The following NBPF3 variants were observed in gnomAD, a reference collection of about 807,000 sequenced individuals.
The protein encoded by NBPF3 is NBPF member 3.
Under a neutral mutation model 78.1 loss-of-function variants are expected in NBPF3, and 57 were observed. The ratio of observed to expected loss-of-function variants is 0.73; its 90% CI spans 0.59 to 0.91. The LOEUF is 0.91. Ranked by LOEUF, NBPF3 falls within the 40% of genes least tolerant of loss-of-function variation. The pLI is 0.00. For missense variants in NBPF3, 510 were observed against 715.3 expected, an observed-to-expected ratio of 0.71 and a Z score of 3.27; for synonymous variants, 182 against 271.7, an observed-to-expected ratio of 0.67 and a Z score of 3.25.
rs1445056534 is a variant in NBPF3 at position 21,481,740 on chromosome 1, A to C, written c.1577A>C (p.Glu526Ala). Residue 526 changes from glutamate (E) to alanine (A), a missense_variant, in exon 13 of 15, where the codon GAA becomes GCA. Glu to Ala is a moderately radical substitution (Grantham distance 107, BLOSUM62 -1). Transcript: ENST00000318249. ...YGSCFYSLEEEHVGFSLDVDE... is the reference protein window; with the variant it reads ...YGSCFYSLEEAHVGFSLDVDE... ...AGTTGCTTTTACTCATTGGAGGAAG[A>C]ACACGTTGGCTTTTCTCTTGACGTG... is the stretch of plus-strand genomic sequence containing the variant. 6.7e-7 allele frequency: 1 copy of C among 1,502,312 alleles called. No homozygotes were observed. The highest frequency in any genetic ancestry group is 2.4e-5 in the East Asian group (1 of 42,294). 93.1% of individuals were successfully genotyped at this position (1,502,312 alleles called of 1,614,324 possible). A position where few individuals can be genotyped will look rare whatever the true frequency, so the allele number is the denominator to read the frequency against.
At chr1:21,440,127 AG>A (rs1640529862), upstream of NBPF3, 1 of 152,276 alleles carries the variant, frequency 6.6e-6, no homozygotes, top group Admixed American at 6.5e-5. Flanking sequence ...GCGCAGGCGC[AG>A]GCGCAGGCAC....
chr1:21,441,564 G>T (rs111818430), intron 1 of NBPF3, among the ~76,000 whole-genome samples: 4 of 152,154 alleles, frequency 2.6e-5, no homozygotes, highest in Non-Finnish European at 4.4e-5. Flanking sequence ...AAAGTTAGCT[G>T]TGTGTGGTGG....
intron 2 of NBPF3, among the ~76,000 whole-genome samples, chr1:21,455,886 A>AATGT (rs2147934094): frequency 6.6e-6 from 1 of 152,256 alleles, no homozygotes; most frequent in African/African-American, 2.4e-5. Flanking sequence ...AGGGTTGGGG[A>AATGT]ATGTATGATG....
At chr1:21,443,223 G>A (rs966091986) in intron 1 of NBPF3, among the ~76,000 whole-genome samples, 13 of 152,200 alleles carry the variant, frequency 8.5e-5, no homozygotes, top group African/African-American at 2.7e-4. Context: ...AGCAGATGGA[G>A]TCATAGGTGA....
At chr1:21,472,227 T>C (rs1642638340) in intron 5 of NBPF3, among the ~76,000 whole-genome samples, 1 of 152,224 alleles carries the variant, frequency 6.6e-6, no homozygotes, top group South Asian at 2.1e-4. Context: ...AAATTGTCTC[T>C]TGCAAGAGTC....
chr1:21,455,441 T>C (rs1337435354), intron 2 of NBPF3, among the ~76,000 whole-genome samples: 1 of 152,230 alleles, frequency 6.6e-6, no homozygotes, highest in African/African-American at 2.4e-5. Context: ...ATAACAGATT[T>C]CTGCTTCTGT....
chr1:21,466,697 A>G (rs1212370109), intron 2 of NBPF3, among the ~76,000 whole-genome samples: 2 of 152,260 alleles, frequency 1.3e-5, no homozygotes, highest in African/African-American at 4.8e-5. Context: ...TACTCTTCCT[A>G]TGACTCATTC....
chr1:21,472,458 G>A (rs1391326409), intron 5 of NBPF3, among the ~76,000 whole-genome samples: 1 of 152,206 alleles, frequency 6.6e-6, no homozygotes, highest in African/African-American at 2.4e-5. Flanking sequence ...TGTAGGGCAA[G>A]TTTGTCCTCT....
chr1:21,436,872 C>T (rs1237119987), upstream of NBPF3: 13 of 556,534 alleles, frequency 2.3e-5, no homozygotes, highest in Admixed American at 4.8e-5. The surrounding 1 kb of genome is among the most constrained non-coding windows in gnomAD (Gnocchi z 4.3). Context: ...CTCGCGCCCT[C>T]CGGGTGGGGG....
intron 2 of NBPF3, 30 bp from the exon 3 acceptor site, chr1:21,468,658 C>A (rs778642535): frequency 6.2e-6 from 10 of 1,612,290 alleles, no homozygotes; most frequent in Non-Finnish European, 8.5e-6. Context: ...AGTTTTTAAC[C>A]CATCGTGTGT....
chr1:21,467,341 G>A (rs1319714488), intron 2 of NBPF3: 3 of 985,366 alleles, frequency 3.0e-6, no homozygotes, highest in Non-Finnish European at 1.2e-6. Flanking sequence ...AGGAGACCTG[G>A]GCTACAGAAC....
chr1:21,474,726 A>G (rs1306835879), intron 7 of NBPF3, among the ~76,000 whole-genome samples, 174 bp from the exon 8 acceptor site: 2 of 152,218 alleles, frequency 1.3e-5, no homozygotes, highest in Admixed American at 6.5e-5. Context: ...TCTGGAAAGC[A>G]GGGTCATCTA....
chr1:21,457,600 G>A (rs4515756), intron 2 of NBPF3, among the ~76,000 whole-genome samples: 99,797 of 151,912 alleles, frequency 0.66, 34,392 homozygotes, highest in South Asian at 0.87. Flanking sequence ...TATCCAAGAG[G>A]ATGGCTAAAA....
chr1:21,481,320 T>G (rs1254020189), intron 12 of NBPF3, among the ~76,000 whole-genome samples: 1 of 150,888 alleles, frequency 6.6e-6, no homozygotes, highest in African/African-American at 2.4e-5. Context: ...TAACTCAGAG[T>G]GTCCTGTACT....
At chr1:21,448,344 G>A (rs957611498) in intron 2 of NBPF3, among the ~76,000 whole-genome samples, 1 of 142,744 alleles carries the variant, frequency 7.0e-6, no homozygotes, top group Admixed American at 7.0e-5. Context: ...TTTTTTTTTT[G>A]CATGTGTTTG....
intron 2 of NBPF3, chr1:21,468,369 G>A (rs945817860): frequency 4.0e-6 from 5 of 1,263,054 alleles, no homozygotes; most frequent in Admixed American, 3.7e-5. Flanking sequence ...AGCAAAGCCT[G>A]GGCAATTGGA....
chr1:21,437,840 T>C (rs1640455701), upstream of NBPF3, among the ~76,000 whole-genome samples: 1 of 150,450 alleles, frequency 6.6e-6, no homozygotes, highest in East Asian at 2.0e-4. Flanking sequence ...TTTTTTTTCT[T>C]TTGAGACGGA....
Position 21,470,977 on chromosome 1 carries a change from C to T in NBPF3, c.446+243C>T, listed in dbSNP as rs565694883. On this transcript the variant is annotated intron_variant, in intron 4 of 14. Transcript: ENST00000318249. ...AACAAGTAATTGTTGAGGTGAAATG[C>T]GCATAACACAAAATTAACCGAAGGA... 2.0e-5 allele frequency among the ~76,000 whole-genome samples: 3 copies of T among 152,202 alleles called. No homozygotes were observed. In the East Asian group the frequency reaches 5.8e-4, roughly 29 times the overall value.
At chr1:21,441,004 A>T (rs1274679047) in intron 1 of NBPF3, 2 of 152,272 alleles carry the variant, frequency 1.3e-5, no homozygotes, top group East Asian at 1.9e-4. Context: ...GGCTTCTTAG[A>T]TCATCATCTC....
Sources: allele counts gnomAD v4.1 joint callset (sites outside exome capture counted in the v4.1 genomes callset), GRCh38; gene constraint gnomAD v4.1.1; non-coding constraint Gnocchi (gnomAD v3.1); transcripts MANE v1.5; gene names NCBI Gene and HGNC (gene_info 2026-07-23, HGNC 2026-07-21).